GSDMC: variants seen among roughly 807,000 people sequenced by gnomAD.
The protein encoded by GSDMC is gasdermin C.
Under a neutral mutation model 58.0 loss-of-function variants are expected in GSDMC, and 59 were observed. The observed-to-expected ratio is 1.02, with a 90% CI of 0.82 to 1.26. The LOEUF is 1.26. Among genes scored for constraint, GSDMC ranks in the 50% most tolerant of loss-of-function variants. The pLI is 0.00. For missense variants in GSDMC, 659 were observed against 598.5 expected (o/e 1.10, Z -1.06); for synonymous variants, 241 against 220.2 (o/e 1.09, Z -0.83).
intron 3 of GSDMC, among the ~76,000 whole-genome samples, chr8:129,768,612 G>A (rs1184700130): frequency 8.5e-5 from 13 of 152,080 alleles, no homozygotes; most frequent in Admixed American, 5.9e-4. Flanking sequence ...TCAAGCAAAA[G>A]GAAGAATTAG....
chr8:129,777,035 A>G (rs7812863), intron 2 of GSDMC, among the ~76,000 whole-genome samples: 7,723 of 151,792 alleles, frequency 0.051, 635 homozygotes, highest in African/African-American at 0.17. Flanking sequence ...CTCCCAAAGC[A>G]CTGGGATTAT....
the GSDMC span, chr8:129,730,244 G>T: frequency 6.8e-6 from 9 of 1,331,542 alleles, no homozygotes; most frequent in East Asian, 2.4e-5. Context: ...GAAAAATTCA[G>T]ATTGGAAGTA....
At chr8:129,710,336 T>C in the GSDMC span, among the ~76,000 whole-genome samples, 8 of 152,320 alleles carry the variant, frequency 5.3e-5, no homozygotes, top group South Asian at 1.7e-3. Context: ...CTGAATTAAG[T>C]AGACCTGCCG....
the GSDMC span, chr8:129,723,087 C>G: frequency 9.2e-5 from 14 of 152,224 alleles, no homozygotes; most frequent in Non-Finnish European, 8.8e-5. Context: ...AATCATGCCA[C>G]TGTTAGCCAA....
At chr8:129,729,996 A>G in the GSDMC span, 8 of 1,479,424 alleles carry the variant, frequency 5.4e-6, no homozygotes, top group Non-Finnish European at 7.5e-6. Flanking sequence ...CTGTCCGGAT[A>G]GTTCATCTTC....
Position 129,786,350 on chromosome 8 carries a change from A to T in GSDMC, c.-344T>A, listed in dbSNP as rs36104740. 6.6e-6 allele frequency: 1 copy of T among 151,842 alleles called. No individual in the cohort carries two copies. The highest frequency in any genetic ancestry group is 6.6e-5 in the Admixed American group (1 of 15,214). The allele number at this position is 151,842 out of a possible 1,614,324, so 9.4% of individuals were successfully genotyped here. Reference sequence around the variant, plus strand: ...AAAAAAAAAAAGAGAGAAAAATAGCACAATTGAGTAGGGCCCCTTCCAATC... The same window carrying T: ...AAAAAAAAAAAGAGAGAAAAATAGCTCAATTGAGTAGGGCCCCTTCCAATC... On this transcript the variant is annotated 5_prime_UTR_variant, in exon 1 of 14. Transcript: ENST00000276708.
chr8:129,743,916 C>G (rs945446452), downstream of GSDMC, among the ~76,000 whole-genome samples: 3 of 152,146 alleles, frequency 2.0e-5, no homozygotes, highest in Admixed American at 1.3e-4. Context: ...ACCAGTCAAG[C>G]TCTAGAAATT....
At chr8:129,752,057 T>A in intron 8 of GSDMC, 49 bp downstream of exon 8, 1 of 1,577,538 alleles carries the variant, frequency 6.3e-7, no homozygotes, top group Non-Finnish European at 8.7e-7. Context: ...ATCAGGTGGT[T>A]TTTTGTTGTG....
At chr8:129,726,280 A>G in the GSDMC span, among the ~76,000 whole-genome samples, 1 of 152,178 alleles carries the variant, frequency 6.6e-6, no homozygotes, top group Non-Finnish European at 1.5e-5. Context: ...CTATTCTGAT[A>G]TTAATATAAA....
At chr8:129,728,360 C>T in the GSDMC span, among the ~76,000 whole-genome samples, 558 of 152,302 alleles carry the variant, frequency 3.7e-3, no homozygotes, top group Non-Finnish European at 5.1e-3. Context: ...GGCGGATCTC[C>T]GGGCATCTGG....
intron 5 of GSDMC, 26 bp downstream of exon 5, chr8:129,762,600 G>T: frequency 1.4e-6 from 2 of 1,406,470 alleles, no homozygotes; most frequent in Non-Finnish European, 2.0e-6. Flanking sequence ...ACTGCCATCT[G>T]CCTTGCTGAG....
chr8:129,748,483 C>G lies in GSDMC; in HGVS notation c.*18G>C, dbSNP rs780835315. 6.3e-7 allele frequency: 1 copy of G among 1,587,302 alleles called. No individual in the cohort carries two copies. The highest frequency in any genetic ancestry group is 2.2e-5 in the East Asian group (1 of 44,536). On this transcript the variant is annotated 3_prime_UTR_variant, in exon 14 of 14. Transcript: ENST00000276708. Reference sequence around the variant, plus strand: ...GCGAGGGCCAGCATCTCTGGACTGACTGCCCATCAGGGAGGGCTTAGGCCT... The same window carrying G: ...GCGAGGGCCAGCATCTCTGGACTGAGTGCCCATCAGGGAGGGCTTAGGCCT...
intron 6 of GSDMC, among the ~76,000 whole-genome samples, chr8:129,758,979 G>GT (rs1385378596): frequency 6.6e-6 from 1 of 152,136 alleles, no homozygotes; most frequent in East Asian, 1.9e-4. Context: ...CAGAGCTATA[G>GT]TAACCAAAAC....
At chr8:129,780,983 T>C (rs2034389872) in intron 1 of GSDMC, among the ~76,000 whole-genome samples, 1 of 152,140 alleles carries the variant, frequency 6.6e-6, no homozygotes. Flanking sequence ...AATAATGAGT[T>C]TTAAGATAGC....
rs908658416 is a variant in GSDMC, at chr8:129,769,342, A to C, written c.405-3549T>G. Among the ~76,000 whole-genome samples the C allele has an allele frequency of 2.6e-5, 4 of 152,218 alleles. No individual in the cohort carries two copies. The East Asian group carries it at 7.7e-4, about 29-fold the overall frequency. On this transcript the variant is annotated intron_variant, in intron 3 of 13. Coordinates refer to ENST00000276708, the MANE Select transcript of GSDMC (RefSeq NM_031415.3). ...GACAATCGCAAATTGCTTAGGAGAA[A>C]TCTGGCTAAGAAAGGATGATATATT... is the stretch of plus-strand genomic sequence containing the variant.
chr8:129,711,462 G>A, the GSDMC span, among the ~76,000 whole-genome samples: 1 of 152,188 alleles, frequency 6.6e-6, no homozygotes, highest in African/African-American at 2.4e-5. Flanking sequence ...CATTATCTTA[G>A]CTAGGACAAA....
At chr8:129,775,333 C>T (rs1286898614) in intron 3 of GSDMC, among the ~76,000 whole-genome samples, 1 of 152,188 alleles carries the variant, frequency 6.6e-6, no homozygotes, top group African/African-American at 2.4e-5. Flanking sequence ...ACTGTATAAT[C>T]TCACATATAT....
chr8:129,734,019 C>T, the GSDMC span, among the ~76,000 whole-genome samples: 1 of 152,116 alleles, frequency 6.6e-6, no homozygotes, highest in South Asian at 2.1e-4. Context: ...ATGAGAACTA[C>T]GTGATGCATG....
the GSDMC span, among the ~76,000 whole-genome samples, chr8:129,731,016 A>G: frequency 6.6e-6 from 1 of 152,244 alleles, no homozygotes; most frequent in Non-Finnish European, 1.5e-5. Context: ...AATCTTCATT[A>G]TGAAAAACTT....
Sources: allele counts gnomAD v4.1 joint callset (sites outside exome capture counted in the v4.1 genomes callset), GRCh38; gene constraint gnomAD v4.1.1; transcripts MANE v1.5; gene names NCBI Gene and HGNC (gene_info 2026-07-23, HGNC 2026-07-21).